The following MARCHF8 variants were observed in gnomAD, a reference collection of about 807,000 sequenced individuals.
The protein encoded by MARCHF8 is membrane associated ring-CH-type finger 8, also known as E3 ubiquitin-protein ligase MARCHF8.
In MARCHF8, 40 loss-of-function variants were observed where a neutral mutation model predicts 51.6. The ratio of observed to expected loss-of-function variants is 0.77; its 90% CI spans 0.60 to 1.01. The LOEUF is 1.01. Ranked by LOEUF, MARCHF8 falls within the 50% of genes least tolerant of loss-of-function variation. The probability of loss-of-function intolerance (pLI) is 0.00; values close to 1 mark genes in which losing one functional copy is unlikely to be tolerated. For synonymous variants in MARCHF8, 263 were observed against 280.3 expected (o/e 0.94, Z 0.62); for missense variants, 685 against 708.6 (o/e 0.97, Z 0.38).
chr10:45,531,455 T>A lies in MARCHF8; in HGVS notation c.102+1655A>T, dbSNP rs146123935. On this transcript the variant is annotated intron_variant, in intron 2 of 7. Transcript: ENST00000453424. ...TATTATTATTTAAAAGAAAAGTATTTAAAGAGAAAGTATTTTTTTAAATAT... is the reference window on the plus strand; with the variant it reads ...TATTATTATTTAAAAGAAAAGTATTAAAAGAGAAAGTATTTTTTTAAATAT... 1.4e-3 allele frequency among the ~76,000 whole-genome samples: 216 copies of A among 152,182 alleles called. 2 individuals carry two copies. Among genetic ancestry groups the A allele is most frequent in the Admixed American group, 5.4e-3 (83 of 15,278 alleles).
chr10:45,472,595 T>C (rs2042713157), intron 3 of MARCHF8, among the ~76,000 whole-genome samples: 1 of 152,238 alleles, frequency 6.6e-6, no homozygotes, highest in African/African-American at 2.4e-5. Context: ...ATCCTGCATG[T>C]TGCTTAGCTT....
At chr10:45,489,861 CT>C (rs1442611941) in intron 2 of MARCHF8, among the ~76,000 whole-genome samples, 2 of 152,116 alleles carry the variant, frequency 1.3e-5, no homozygotes, top group Admixed American at 1.3e-4. Context: ...AGTAGGACAG[CT>C]GACCAGTCCT....
At chr10:45,479,296 C>G (rs1043321174) in intron 3 of MARCHF8, among the ~76,000 whole-genome samples, 2 of 152,096 alleles carry the variant, frequency 1.3e-5, no homozygotes, top group African/African-American at 4.8e-5. Flanking sequence ...TTCAACATTC[C>G]TTCATGATAA....
chr10:45,533,284 T>C lies in MARCHF8; in HGVS notation c.-73A>G, dbSNP rs536355299. 1.5e-5 allele frequency: 22 copies of C among 1,495,488 alleles called. No individual in the cohort carries two copies. The African/African-American group carries it at 2.9e-4, about 20-fold the overall frequency. 92.6% of individuals were successfully genotyped at this position (1,495,488 alleles called of 1,614,324 possible). ...GGTAGAGTCATTTTGGGCCATGGATTTCAAGCTGAGAGAAAATGAAGAGAG... is the reference window on the plus strand; with the variant it reads ...GGTAGAGTCATTTTGGGCCATGGATCTCAAGCTGAGAGAAAATGAAGAGAG... On this transcript the variant is annotated 5_prime_UTR_variant, in exon 2 of 8. Coordinates refer to ENST00000453424, the MANE Select transcript of MARCHF8 (RefSeq NM_001282866.2).
rs1256555020 is a variant in MARCHF8, at chr10:45,456,226, T to G, written c.*2013A>C. The G allele has an allele frequency of 6.6e-6, 1 of 152,344 alleles. No individual in the cohort carries two copies. Among genetic ancestry groups the G allele is most frequent in the East Asian group, 1.9e-4 (1 of 5,204 alleles). 9.4% of individuals were successfully genotyped at this position (152,344 alleles called of 1,614,324 possible). The stretch of plus-strand genomic sequence containing the variant: ...CCTGAGTGGACAGTCTGTGGTTGCC[T>G]GGGGTCCCCAGGCTGAGAAGGGGTA... On this transcript the variant is annotated 3_prime_UTR_variant, in exon 8 of 8. Coordinates refer to ENST00000453424, the MANE Select transcript of MARCHF8 (RefSeq NM_001282866.2).
At chr10:45,459,582 GAA>G (rs1248946227) in intron 6 of MARCHF8, among the ~76,000 whole-genome samples, 2 of 152,200 alleles carry the variant, frequency 1.3e-5, no homozygotes, top group Non-Finnish European at 2.9e-5. Context: ...CAGTCCTAAT[GAA>G]AACAGTATGT....
intron 1 of MARCHF8, among the ~76,000 whole-genome samples, chr10:45,566,599 G>C (rs1255689457): frequency 1.3e-5 from 2 of 152,034 alleles, no homozygotes; most frequent in Non-Finnish European, 2.9e-5. Context: ...CAAATGACTG[G>C]ATCTCATTAT....
intron 3 of MARCHF8, among the ~76,000 whole-genome samples, chr10:45,479,999 T>C (rs1036299285): frequency 6.6e-6 from 1 of 152,168 alleles, no homozygotes; most frequent in Non-Finnish European, 1.5e-5. Context: ...AAAATACTGA[T>C]CATGATATGG....
At chr10:45,570,436 T>TA (rs34951002) in intron 1 of MARCHF8, among the ~76,000 whole-genome samples, 5 of 151,952 alleles carry the variant, frequency 3.3e-5, no homozygotes, top group African/African-American at 7.2e-5. Context: ...CATTCCGGGT[T>TA]AAAAAAAATA....
intron 1 of MARCHF8, among the ~76,000 whole-genome samples, chr10:45,540,560 T>G (rs1428273681): frequency 1.3e-5 from 2 of 152,062 alleles, no homozygotes; most frequent in Non-Finnish European, 2.9e-5. Flanking sequence ...AAGCCAAAAT[T>G]GACAAATGGG....
chr10:45,483,252 A>G (rs890116341), intron 3 of MARCHF8, among the ~76,000 whole-genome samples: 8 of 152,240 alleles, frequency 5.3e-5, no homozygotes, highest in African/African-American at 1.9e-4. Flanking sequence ...CGAACAAGGA[A>G]CTAACATACA....
chr10:45,472,109 G>A (rs907999085), intron 3 of MARCHF8, among the ~76,000 whole-genome samples: 1 of 152,102 alleles, frequency 6.6e-6, no homozygotes, highest in African/African-American at 2.4e-5. Context: ...CTTCCTCTAG[G>A]CCTAGGCCCT....
chr10:45,481,773 C>G (rs1372351155), intron 3 of MARCHF8, among the ~76,000 whole-genome samples: 1 of 152,164 alleles, frequency 6.6e-6, no homozygotes, highest in African/African-American at 2.4e-5. Flanking sequence ...CAGACTAATA[C>G]ACCCACTTTC....
intron 1 of MARCHF8, among the ~76,000 whole-genome samples, chr10:45,563,543 C>G (rs2044333647): frequency 6.6e-6 from 1 of 151,936 alleles, no homozygotes; most frequent in African/African-American, 2.4e-5. Flanking sequence ...AAAAATACTT[C>G]CAAACCAATT....
At chr10:45,576,627 G>T (rs1213601776) in intron 1 of MARCHF8, among the ~76,000 whole-genome samples, 2 of 151,970 alleles carry the variant, frequency 1.3e-5, no homozygotes, top group Non-Finnish European at 2.9e-5. Flanking sequence ...TTCTCATGTT[G>T]AAACTTAATC....
At chr10:45,484,067 C>T (rs917341480) in intron 3 of MARCHF8, among the ~76,000 whole-genome samples, 1 of 152,130 alleles carries the variant, frequency 6.6e-6, no homozygotes, top group Non-Finnish European at 1.5e-5. Flanking sequence ...TAAATTGTTT[C>T]TGACACATAG....
chr10:45,482,935 C>T (rs1249789653), intron 3 of MARCHF8, among the ~76,000 whole-genome samples: 1 of 152,126 alleles, frequency 6.6e-6, no homozygotes, highest in Non-Finnish European at 1.5e-5. Flanking sequence ...ATGAGAGATC[C>T]ATACGCAGAT....
intron 2 of MARCHF8, among the ~76,000 whole-genome samples, chr10:45,518,956 A>G (rs1197246815): frequency 2.6e-5 from 4 of 152,166 alleles, no homozygotes; most frequent in Non-Finnish European, 5.9e-5. Context: ...CCTTCGTAAC[A>G]CTTCCTTTGT....
At chr10:45,558,888 T>C (rs61854121) in intron 1 of MARCHF8, among the ~76,000 whole-genome samples, 1,555 of 152,186 alleles carry the variant, frequency 0.01, 14 homozygotes, top group Non-Finnish European at 0.011. Context: ...ACAGAACACA[T>C]TGAGGCCTAA....
Sources: allele counts gnomAD v4.1 joint callset (sites outside exome capture counted in the v4.1 genomes callset), GRCh38; gene constraint gnomAD v4.1.1; transcripts MANE v1.5; gene names NCBI Gene and HGNC (gene_info 2026-07-23, HGNC 2026-07-21).